KCNT2: variants seen among roughly 807,000 people sequenced by gnomAD.
KCNT2 encodes potassium channel subfamily T member 2.
Under a neutral mutation model 153.8 loss-of-function variants are expected in KCNT2, and 67 were observed. The observed-to-expected ratio is 0.44, with a 90% CI of 0.36 to 0.53. KCNT2 has a LOEUF of 0.53. Ranked by LOEUF, KCNT2 falls within the 20% of genes least tolerant of loss-of-function variation. The probability of loss-of-function intolerance (pLI) is 0.00; values close to 1 mark genes in which losing one functional copy is unlikely to be tolerated. For missense variants in KCNT2, 975 were observed against 1,354.8 expected (o/e 0.72, Z 4.40); for synonymous variants, 500 against 458.8 (o/e 1.09, Z -1.15).
At chr1:196,322,350 G>T (rs972674241) in intron 19 of KCNT2, among the ~76,000 whole-genome samples, 1 of 151,392 alleles carries the variant, frequency 6.6e-6, no homozygotes, top group African/African-American at 2.4e-5. Context: ...CAATTAAAAA[G>T]GTAAACATGA....
At chr1:196,394,916 T>G (rs960194625) in intron 13 of KCNT2, among the ~76,000 whole-genome samples, 1 of 151,348 alleles carries the variant, frequency 6.6e-6, no homozygotes, top group Non-Finnish European at 1.5e-5. Context: ...TTAAATATAA[T>G]TTTTTCTTGG....
rs1659909091 is a variant in KCNT2 at position 196,288,750 on chromosome 1, C to T, written c.2596-2992G>A. ...TAGATAATGAGGCAGATGATTGCACCTTCTGTAAAATAGAAAGTGTGGAGG... is the reference window on the plus strand; with the variant it reads ...TAGATAATGAGGCAGATGATTGCACTTTCTGTAAAATAGAAAGTGTGGAGG... On this transcript the variant is annotated intron_variant, in intron 22 of 27. Coordinates refer to ENST00000294725, the MANE Select transcript of KCNT2 (RefSeq NM_198503.5). 2.0e-5 allele frequency among the ~76,000 whole-genome samples: 3 copies of T among 152,000 alleles called. No individual in the cohort carries two copies. The South Asian group carries it at 6.2e-4, about 31-fold the overall frequency.
At chr1:196,373,093 T>C (rs764396923) in intron 14 of KCNT2, 47 bp downstream of exon 14, 1 of 907,596 alleles carries the variant, frequency 1.1e-6, no homozygotes, top group Admixed American at 1.9e-5. Context: ...GCCCTTATTG[T>C]TTTTTATATA....
chr1:196,490,677 T>C (rs747242373), intron 2 of KCNT2, among the ~76,000 whole-genome samples: 1 of 151,760 alleles, frequency 6.6e-6, no homozygotes, highest in Non-Finnish European at 1.5e-5. Flanking sequence ...CTGCCATGTA[T>C]GTATCTTCTA....
chr1:196,399,297 G>T (rs1196660725), intron 12 of KCNT2, among the ~76,000 whole-genome samples: 1 of 151,642 alleles, frequency 6.6e-6, no homozygotes, highest in African/African-American at 2.4e-5. Context: ...AATCAAGGAA[G>T]ATTATTAGAT....
At chr1:196,546,417 G>A (rs140491521) in intron 1 of KCNT2, among the ~76,000 whole-genome samples, 105 of 152,058 alleles carry the variant, frequency 6.9e-4, no homozygotes, top group African/African-American at 2.5e-3. Flanking sequence ...TGCAGCATAT[G>A]GGCCTCCTAG....
At chr1:196,294,565 C>T (rs1214715640) in intron 22 of KCNT2, among the ~76,000 whole-genome samples, 1 of 152,180 alleles carries the variant, frequency 6.6e-6, no homozygotes, top group African/African-American at 2.4e-5. Flanking sequence ...TGAGCCACTG[C>T]GCCCGGCCAA....
chr1:196,565,209 T>A (rs1659950423), intron 1 of KCNT2, among the ~76,000 whole-genome samples: 1 of 150,766 alleles, frequency 6.6e-6, no homozygotes, highest in African/African-American at 2.4e-5. Context: ...ACATCACTAA[T>A]CATTAGAGAA....
chr1:196,440,614 A>G (rs143130612), intron 8 of KCNT2, among the ~76,000 whole-genome samples: 7 of 152,090 alleles, frequency 4.6e-5, no homozygotes, highest in African/African-American at 1.7e-4. Flanking sequence ...TGACTTGGGT[A>G]ACTTTTATCT....
chr1:196,592,567 G>A (rs1354427804), intron 1 of KCNT2, among the ~76,000 whole-genome samples: 5 of 144,778 alleles, frequency 3.5e-5, no homozygotes, highest in Non-Finnish European at 6.0e-5. Context: ...TATTTATATA[G>A]TTATAGTTTT....
intron 17 of KCNT2, among the ~76,000 whole-genome samples, chr1:196,333,327 C>A (rs1162239616): frequency 6.6e-6 from 1 of 151,668 alleles, no homozygotes; most frequent in East Asian, 1.9e-4. Flanking sequence ...ATTATGGAAG[C>A]CTAGAAAAGG....
chr1:196,388,909 A>G (rs1426283508), intron 13 of KCNT2, among the ~76,000 whole-genome samples: 1 of 151,748 alleles, frequency 6.6e-6, no homozygotes, highest in Non-Finnish European at 1.5e-5. Context: ...TAGGACCTTC[A>G]GTACAGTGTG....
intron 1 of KCNT2, among the ~76,000 whole-genome samples, chr1:196,499,168 A>T (rs925740962): frequency 5.3e-5 from 8 of 152,202 alleles, no homozygotes; most frequent in African/African-American, 1.9e-4. Flanking sequence ...GGAAAAGACA[A>T]GGAAAGATCC....
rs144520124 is a variant in KCNT2, at chr1:196,402,778, C to T, written c.1186-4107G>A. Among the ~76,000 whole-genome samples, 1,093 of 151,680 alleles carry T rather than the reference C, an allele frequency of 7.2e-3. 21 individuals carry two copies. The highest frequency in any genetic ancestry group is 9.1e-3 in the Non-Finnish European group (613 of 67,710). On this transcript the variant is annotated intron_variant, in intron 12 of 27. Coordinates refer to ENST00000294725, the MANE Select transcript of KCNT2 (RefSeq NM_198503.5). The stretch of plus-strand genomic sequence containing the variant: ...AAATTGGGCCAGAGATCAAAACAAA[C>T]ATCTGACCAAAGAACGTATACAGAT...
At chr1:196,422,154 A>G (rs1300209402) in intron 12 of KCNT2, among the ~76,000 whole-genome samples, 4 of 152,060 alleles carry the variant, frequency 2.6e-5, no homozygotes, top group African/African-American at 9.7e-5. Flanking sequence ...TTAGAAATGG[A>G]TAAGTAGTTT....
intron 22 of KCNT2, among the ~76,000 whole-genome samples, chr1:196,287,928 G>T (rs1170883081): frequency 6.6e-6 from 1 of 151,940 alleles, no homozygotes; most frequent in Non-Finnish European, 1.5e-5. Flanking sequence ...AAAACACTTG[G>T]GTGAATATAT....
At chr1:196,501,781 T>G (rs1480187251) in intron 1 of KCNT2, among the ~76,000 whole-genome samples, 1 of 152,220 alleles carries the variant, frequency 6.6e-6, no homozygotes, top group South Asian at 2.1e-4. Context: ...AGAAGGCTTG[T>G]AAAAAATAAA....
chr1:196,412,171 T>A (rs1672392779), intron 12 of KCNT2, among the ~76,000 whole-genome samples: 1 of 151,800 alleles, frequency 6.6e-6, no homozygotes, highest in Non-Finnish European at 1.5e-5. Flanking sequence ...TTTCCTAACA[T>A]TTCATATGAT....
At chr1:196,341,553 T>A (rs1665631720) in intron 15 of KCNT2, among the ~76,000 whole-genome samples, 1 of 152,010 alleles carries the variant, frequency 6.6e-6, no homozygotes, top group African/African-American at 2.4e-5. Context: ...AATATGTTAT[T>A]TTCATTATAT....
Sources: allele counts gnomAD v4.1 joint callset (sites outside exome capture counted in the v4.1 genomes callset), GRCh38; gene constraint gnomAD v4.1.1; transcripts MANE v1.5; gene names NCBI Gene and HGNC (gene_info 2026-07-23, HGNC 2026-07-21).